The following EBF3 variants were observed in gnomAD, a reference collection of about 807,000 sequenced individuals.
The protein encoded by EBF3 is EBF transcription factor 3.
A neutral mutation model predicts 77.1 loss-of-function variants in EBF3; 18 were observed. That is an observed-to-expected ratio of 0.23 (90% CI 0.16 to 0.35). The LOEUF (loss-of-function observed/expected upper bound fraction) is 0.35, where lower values mean the gene tolerates loss of function less well. Among genes scored for constraint, EBF3 ranks in the 10% least tolerant of loss-of-function variants. The pLI, the probability that EBF3 is intolerant of heterozygous loss-of-function variation, is 1.00. For synonymous variants in EBF3, 350 were observed against 343.5 expected, an observed-to-expected ratio of 1.02 and a Z score of -0.21; for missense variants, 558 against 860.0, an observed-to-expected ratio of 0.65 and a Z score of 4.39.
At chr10:129,875,187 C>CTTCTTTTTTTTTTTTTTTTTTTTTTTT (rs1852672323) in intron 7 of EBF3, among the ~76,000 whole-genome samples, 12 of 92,942 alleles carry the variant, frequency 1.3e-4, no homozygotes, top group African/African-American at 4.5e-4. Context: ...ATGGCTTCTT[C>CTTCTTTTTTTTTTTTTTTTTTTTTTTT]TTTTTTTTTT....
intron 6 of EBF3, among the ~76,000 whole-genome samples, chr10:129,914,058 T>C (rs576904035): frequency 2.0e-5 from 3 of 152,304 alleles, no homozygotes; most frequent in South Asian, 2.1e-4. Context: ...TCATGCAATT[T>C]GGAAGTATGA....
At chr10:129,953,397 C>T (rs555571878) in intron 6 of EBF3, among the ~76,000 whole-genome samples, 7 of 150,702 alleles carry the variant, frequency 4.6e-5, no homozygotes, top group African/African-American at 1.5e-4. Context: ...TCATCCTCCC[C>T]CCTCTTCAAC....
intron 8 of EBF3, among the ~76,000 whole-genome samples, chr10:129,871,006 T>A (rs571895739): frequency 6.6e-6 from 1 of 152,354 alleles, no homozygotes; most frequent in East Asian, 1.9e-4. Context: ...GTGCTTGGGA[T>A]GTCCAGATGG....
At chr10:129,961,500 G>A (rs1366308109) in intron 4 of EBF3, among the ~76,000 whole-genome samples, 1 of 152,190 alleles carries the variant, frequency 6.6e-6, no homozygotes, top group East Asian at 1.9e-4. Context: ...AGTTGACCAA[G>A]ACAGGTTAAA....
rs750435858 is a variant in EBF3 at position 129,897,403 on chromosome 10, G to A, written c.555-19554C>T. Reference sequence around the variant, plus strand: ...CAGAGCCCAGCGGTGCCACCCATCTGGAAGGCGGTGCTGCAAAACCCTGAG... The same window carrying A: ...CAGAGCCCAGCGGTGCCACCCATCTAGAAGGCGGTGCTGCAAAACCCTGAG... On this transcript the variant is annotated intron_variant, in intron 6 of 16. Transcript: ENST00000440978. The surrounding 1 kb of genome is among the most constrained non-coding windows in gnomAD (Gnocchi z 4.6). 6.6e-6 allele frequency among the ~76,000 whole-genome samples: 1 copy of A among 152,170 alleles called. No individual in the cohort carries two copies. Among genetic ancestry groups the A allele is most frequent in the Non-Finnish European group, 1.5e-5 (1 of 68,028 alleles).
At chr10:129,877,911 T>C (rs1442484978) in intron 6 of EBF3, 62 bp from the exon 7 acceptor site, 3 of 1,347,556 alleles carry the variant, frequency 2.2e-6, no homozygotes, top group Non-Finnish European at 1.0e-6. Context: ...TCAAACTTTT[T>C]AAAAGACACT....
At chr10:129,888,436 G>T (rs1853771160) in intron 6 of EBF3, among the ~76,000 whole-genome samples, 1 of 152,268 alleles carries the variant, frequency 6.6e-6, no homozygotes, top group Non-Finnish European at 1.5e-5. Flanking sequence ...TGCTCCTGGT[G>T]AATTGCTAGA....
rs1313878787 is a variant in EBF3 at position 129,877,755 on chromosome 10, G to A, written c.636+13C>T. ...TCAGGACCACGGTCCACGTGTCTTT[G>A]AGAAATGTATACCTGGAATCTCCGC... On this transcript the variant is annotated intron_variant, in intron 7 of 16. Transcript: ENST00000440978. 1 of 1,611,168 alleles carries A rather than the reference G, an allele frequency of 6.2e-7. No individual in the cohort carries two copies. The highest frequency in any genetic ancestry group is 8.5e-7 in the Non-Finnish European group (1 of 1,178,316).
At chr10:129,916,368 T>C (rs1855887146) in intron 6 of EBF3, among the ~76,000 whole-genome samples, 1 of 152,218 alleles carries the variant, frequency 6.6e-6, no homozygotes, top group Non-Finnish European at 1.5e-5. Context: ...CACCACCTCA[T>C]GCTCAGCAAG....
In EBF3 at chr10:129,953,117, G is replaced by A. The variant is rs531545249; in HGVS notation, c.554+4141C>T. 1.7e-3 allele frequency among the ~76,000 whole-genome samples: 251 copies of A among 151,602 alleles called. 1 individual carries two copies. Among genetic ancestry groups the A allele is most frequent in the African/African-American group, 5.8e-3 (241 of 41,324 alleles). ...AAAAATCTCCAATCGTTGGGCTACC[G>A]TTCCACAGTCACTTTAAAGGTGTAA... On this transcript the variant is annotated intron_variant, in intron 6 of 16. Transcript: ENST00000440978.
chr10:129,873,315 C>T, intron 8 of EBF3, 137 bp downstream of exon 8: 1 of 1,077,432 alleles, frequency 9.3e-7, no homozygotes, highest in South Asian at 4.1e-5. Context: ...GGGGACACCC[C>T]CTCATCCTGC....
At chr10:129,880,521 G>C (rs1853133709) in intron 6 of EBF3, among the ~76,000 whole-genome samples, 1 of 152,066 alleles carries the variant, frequency 6.6e-6, no homozygotes, top group African/African-American at 2.4e-5. Flanking sequence ...ACACACACAT[G>C]CATTCTTGCT....
At chr10:129,936,452 C>A (rs766493679) in intron 6 of EBF3, among the ~76,000 whole-genome samples, 4 of 152,186 alleles carry the variant, frequency 2.6e-5, no homozygotes, top group Non-Finnish European at 4.4e-5. Context: ...GAGAGGCCCA[C>A]GGGAAGTAGG....
chr10:129,921,695 G>A (rs1856322674), intron 6 of EBF3, among the ~76,000 whole-genome samples: 1 of 152,218 alleles, frequency 6.6e-6, no homozygotes, highest in African/African-American at 2.4e-5. Flanking sequence ...TGAGCACCTG[G>A]CCTGAAGAGA....
chr10:129,843,104 G>GA (rs1564817227), intron 12 of EBF3, 33 bp downstream of exon 12: 7 of 1,604,834 alleles, frequency 4.4e-6, no homozygotes, highest in East Asian at 2.2e-5. Flanking sequence ...GCATGGGGGG[G>GA]AGGATGGGCG....
At chr10:129,854,841 G>A (rs1439933183) in intron 10 of EBF3, among the ~76,000 whole-genome samples, 5 of 152,222 alleles carry the variant, frequency 3.3e-5, no homozygotes, top group Admixed American at 2.6e-4. Flanking sequence ...TGGTGTGCAC[G>A]GGAAGCACAA....
At chr10:129,844,024 C>T (rs1015322320) in intron 11 of EBF3, among the ~76,000 whole-genome samples, 6 of 152,172 alleles carry the variant, frequency 3.9e-5, no homozygotes, top group Admixed American at 6.5e-5. Context: ...TGTAATAAAA[C>T]GGAGCTGAGC....
chr10:129,873,225 C>A (rs962016627), intron 8 of EBF3, among the ~76,000 whole-genome samples: 1 of 152,168 alleles, frequency 6.6e-6, no homozygotes, highest in Non-Finnish European at 1.5e-5. Flanking sequence ...ACATGAAGGC[C>A]GTGGCAGGTG....
chr10:129,884,599 G>A (rs1418361702), intron 6 of EBF3, among the ~76,000 whole-genome samples: 5 of 152,164 alleles, frequency 3.3e-5, no homozygotes, highest in Admixed American at 6.5e-5. Context: ...ACGTCATAGC[G>A]AAGGGGCAGA....
Sources: gnomAD v4.1 joint callset for allele counts (sites outside exome capture counted in the v4.1 genomes callset) on GRCh38, gnomAD v4.1.1 for gene constraint, Gnocchi (gnomAD v3.1) non-coding constraint, MANE v1.5 for transcripts, NCBI Gene and HGNC (gene_info 2026-07-23, HGNC 2026-07-21) for gene names.